The following VPS53 variants were observed in gnomAD, a reference collection of about 807,000 sequenced individuals.
The protein encoded by VPS53 is vacuolar protein sorting-associated protein 53 homolog.
Under a neutral mutation model 107.0 loss-of-function variants are expected in VPS53, and 70 were observed. The observed-to-expected ratio is 0.65, with a 90% CI of 0.54 to 0.80. The LOEUF (loss-of-function observed/expected upper bound fraction) is 0.80, where lower values mean the gene tolerates loss of function less well. VPS53 is among the 30% of genes least tolerant of loss of function. The pLI, the probability that VPS53 is intolerant of heterozygous loss-of-function variation, is 0.00. For missense variants in VPS53, 917 were observed against 1,049.4 expected (o/e 0.87, Z 1.74); for synonymous variants, 409 against 393.3 (o/e 1.04, Z -0.47).
intron 19 of VPS53, among the ~76,000 whole-genome samples, chr17:522,107 A>G (rs1908807761): frequency 6.6e-6 from 1 of 152,070 alleles, no homozygotes; most frequent in South Asian, 2.1e-4. Flanking sequence ...TGCAAAAATT[A>G]GCCAGGCGTG....
chr17:628,266 GAAAC>G (rs1404506073), intron 8 of VPS53, 35 bp from the exon 9 acceptor site: 10 of 1,609,810 alleles, frequency 6.2e-6, no homozygotes, highest in Non-Finnish European at 7.6e-6. Flanking sequence ...TGAAAAGCCA[GAAAC>G]AACCTTTAAA....
intron 19 of VPS53, among the ~76,000 whole-genome samples, chr17:526,073 A>C (rs1392686071): frequency 6.8e-6 from 1 of 146,062 alleles, no homozygotes; most frequent in Non-Finnish European, 1.5e-5. Flanking sequence ...CTGAGTAGTT[A>C]GTTACTGTTT....
chr17:632,771 T>A (rs1403440168), intron 7 of VPS53: 1 of 456,330 alleles, frequency 2.2e-6, no homozygotes, highest in African/African-American at 2.0e-5. Context: ...GAATCTGTCT[T>A]CCCGTGTCTG....
intron 9 of VPS53, 98 bp downstream of exon 9, chr17:627,990 C>T: frequency 8.3e-7 from 1 of 1,211,722 alleles, no homozygotes; most frequent in Non-Finnish European, 1.1e-6. Context: ...CACTGTCAGA[C>T]AGTCATGTAA....
At chr17:632,652 T>C in intron 7 of VPS53, 2 of 452,914 alleles carry the variant, frequency 4.4e-6, no homozygotes, top group Non-Finnish European at 8.9e-6. Context: ...TCCCAGTTAC[T>C]CCCCGCCTCC....
chr17:573,585 C>T (rs748193358), intron 13 of VPS53, among the ~76,000 whole-genome samples: 2 of 152,184 alleles, frequency 1.3e-5, no homozygotes, highest in Non-Finnish European at 2.9e-5. Flanking sequence ...AGAGGGATGG[C>T]AGGGCAGGCA....
intron 11 of VPS53, among the ~76,000 whole-genome samples, chr17:610,538 G>A (rs894906565): frequency 1.3e-5 from 2 of 152,120 alleles, no homozygotes; most frequent in Admixed American, 1.3e-4. Context: ...GAAATCCTGT[G>A]AAATGACTAT....
intron 11 of VPS53, among the ~76,000 whole-genome samples, chr17:608,279 A>G (rs192335730): frequency 1.1e-4 from 16 of 152,254 alleles, no homozygotes; most frequent in African/African-American, 3.8e-4. Context: ...TGCCTTCCCG[A>G]TCCAATTTCT....
chr17:703,496 T>C (rs1310352146), intron 2 of VPS53, among the ~76,000 whole-genome samples: 1 of 152,212 alleles, frequency 6.6e-6, no homozygotes, highest in Non-Finnish European at 1.5e-5. Context: ...CGAGGGCCTC[T>C]CCTGGAGTTG....
chr17:577,302 T>C (rs531014313), intron 13 of VPS53, among the ~76,000 whole-genome samples: 1 of 150,074 alleles, frequency 6.7e-6, no homozygotes, highest in Non-Finnish European at 1.5e-5. Flanking sequence ...CCACAATGCA[T>C]TCCTAGAGAA....
In VPS53 at chr17:519,446, C is replaced by T; in HGVS notation, c.2329-148G>A. 1 of 805,314 alleles carries T rather than the reference C, an allele frequency of 1.2e-6. No homozygotes were observed. The highest frequency in any genetic ancestry group is 1.9e-6 in the Non-Finnish European group (1 of 540,432). The allele number at this position is 805,314 out of a possible 1,614,324, so 49.9% of individuals were successfully genotyped here. ...GAGGATGAACCGTTTCCTCAAGGGA[C>T]TCACCATCCCCTGGGTAGTAGCGTG... On this transcript the variant is annotated intron_variant, in intron 21 of 21. Transcript: ENST00000437048. This position sits in a 1 kb window ranked among gnomAD's most constrained non-coding sequence, Gnocchi z 5.0.
At chr17:597,962 C>CTCTCTCTCTCCCCACGG (rs1555561878) in intron 12 of VPS53, among the ~76,000 whole-genome samples, 1 of 141,308 alleles carries the variant, frequency 7.1e-6, no homozygotes, top group African/African-American at 2.6e-5. Flanking sequence ...CTCCCTCTCC[C>CTCTCTCTCTCCCCACGG]TCTCCCTCTC....
intron 11 of VPS53, among the ~76,000 whole-genome samples, chr17:622,167 G>A (rs1032380841): frequency 6.6e-6 from 1 of 151,748 alleles, no homozygotes; most frequent in African/African-American, 2.4e-5. Flanking sequence ...GGCCGATATC[G>A]CCCCACTGCA....
chr17:601,562 C>T (rs569563956), intron 12 of VPS53, among the ~76,000 whole-genome samples: 112 of 152,328 alleles, frequency 7.4e-4, no homozygotes, highest in African/African-American at 2.6e-3. Context: ...GCTAATGAAG[C>T]TTGTGTGTGT....
In VPS53 at chr17:524,587, A is replaced by G. The variant is rs1908988500; in HGVS notation, c.2086-2849T>C. 6.6e-6 allele frequency among the ~76,000 whole-genome samples: 1 copy of G among 152,218 alleles called. No homozygotes were observed. Among genetic ancestry groups the G allele is most frequent in the South Asian group, 2.1e-4 (1 of 4,832 alleles). On this transcript the variant is annotated intron_variant, in intron 19 of 21. Coordinates refer to ENST00000437048, the MANE Select transcript of VPS53 (RefSeq NM_001128159.3). The surrounding 1 kb of genome is among the most constrained non-coding windows in gnomAD (Gnocchi z 4.5). ...AAACAATACTAACACCGGATTCACA[A>G]AAGAGGAAACTCAAATGCCCGAAAG...
chr17:661,902 T>G lies in VPS53; in HGVS notation c.286-7A>C. 6.4e-7 allele frequency: 1 copy of G among 1,550,704 alleles called. No individual in the cohort carries two copies. Among genetic ancestry groups the G allele is most frequent in the Non-Finnish European group, 8.7e-7 (1 of 1,146,492 alleles). ...TCTGAGCCTCTTCAAGCGCCTAGAG[T>G]AAGGGAAATACATGAAAAACAAAAA... On this transcript the variant is annotated splice_polypyrimidine_tract_variant and splice_region_variant and intron_variant, in intron 4 of 21. Coordinates refer to ENST00000437048, the MANE Select transcript of VPS53 (RefSeq NM_001128159.3).
chr17:581,618 C>A (rs1967022250), intron 13 of VPS53, among the ~76,000 whole-genome samples: 1 of 151,802 alleles, frequency 6.6e-6, no homozygotes, highest in Non-Finnish European at 1.5e-5. Flanking sequence ...TAATGCGTTC[C>A]CAGAGAACCT....
At chr17:588,231 T>C (rs1285487459) in intron 12 of VPS53, among the ~76,000 whole-genome samples, 2 of 151,906 alleles carry the variant, frequency 1.3e-5, no homozygotes, top group East Asian at 1.9e-4. Context: ...GGTAGAAAAA[T>C]TGCTTGAACC....
In VPS53 at chr17:564,505, C is replaced by T. The variant is rs184689788; in HGVS notation, c.1314-1760G>A. Among the ~76,000 whole-genome samples, 789 of 150,288 alleles carry T rather than the reference C, an allele frequency of 5.2e-3. 16 individuals are homozygous for T. Among genetic ancestry groups the T allele is most frequent in the Admixed American group, 0.038 (573 of 15,048 alleles). On this transcript the variant is annotated intron_variant, in intron 13 of 21. Transcript: ENST00000437048. ...CAGTGAGCTGAGACTGCACCACTGC[C>T]CTCCAGCCTGGGCAACAAAGTGAGA...
Sources: gnomAD v4.1 joint callset for allele counts (sites outside exome capture counted in the v4.1 genomes callset) on GRCh38, gnomAD v4.1.1 for gene constraint, Gnocchi (gnomAD v3.1) non-coding constraint, MANE v1.5 for transcripts, NCBI Gene and HGNC (gene_info 2026-07-23, HGNC 2026-07-21) for gene names.